The following CCDC88C variants were observed in gnomAD, a reference collection of about 807,000 sequenced individuals.
CCDC88C encodes the protein protein Daple.
A neutral mutation model predicts 198.8 loss-of-function variants in CCDC88C; 131 were observed. That is an observed-to-expected ratio of 0.66 (90% CI 0.57 to 0.76). CCDC88C has a LOEUF of 0.76. Among genes scored for constraint, CCDC88C ranks in the 30% least tolerant of loss-of-function variants. The pLI is 0.00. For synonymous variants in CCDC88C, 1,166 were observed against 1,114.7 expected, an observed-to-expected ratio of 1.05 and a Z score of -0.92; for missense variants, 2,553 against 2,631.6, an observed-to-expected ratio of 0.97 and a Z score of 0.65.
intron 3 of CCDC88C, among the ~76,000 whole-genome samples, chr14:91,405,602 A>C (rs1201720757): frequency 1.3e-5 from 2 of 152,244 alleles, no homozygotes; most frequent in Non-Finnish European, 1.5e-5. Context: ...AATGGCATAA[A>C]ACAAAAACTA....
At chr14:91,395,010 T>C (rs1489890836) in intron 3 of CCDC88C, among the ~76,000 whole-genome samples, 2 of 152,134 alleles carry the variant, frequency 1.3e-5, no homozygotes, top group Non-Finnish European at 2.9e-5. Context: ...AAGGCCTTTG[T>C]AGAACCCCTC....
chr14:91,339,570 G>T lies in CCDC88C; in HGVS notation c.625-108C>A, dbSNP rs1893217893. The T allele has an allele frequency of 8.9e-7, 1 of 1,121,398 alleles. No homozygotes were observed. The highest frequency in any genetic ancestry group is 2.6e-5 in the East Asian group (1 of 38,530). The allele number at this position is 1,121,398 out of a possible 1,614,324, so 69.5% of individuals were successfully genotyped here. A position where few individuals can be genotyped will look rare whatever the true frequency, so the allele number is the denominator to read the frequency against. On this transcript the variant is annotated intron_variant, in intron 7 of 29. Transcript: ENST00000389857. The surrounding 1 kb of genome is among the most constrained non-coding windows in gnomAD (Gnocchi z 5.8). ...CCGCCAAAAGACAGATATTTCAGCG[G>T]AGACTAAGAAACGAGGAGGAAGGTG... is the stretch of plus-strand genomic sequence containing the variant.
chr14:91,327,910 C>G (rs1400032644), intron 10 of CCDC88C, among the ~76,000 whole-genome samples: 3 of 152,176 alleles, frequency 2.0e-5, no homozygotes, highest in African/African-American at 7.2e-5. Flanking sequence ...GGAGTTGTCC[C>G]CTAGGAGAAG....
intron 3 of CCDC88C, chr14:91,380,010 A>G (rs1411499597): frequency 1.5e-6 from 1 of 649,002 alleles, no homozygotes; most frequent in Non-Finnish European, 2.8e-6. Context: ...GTGAGAACCA[A>G]CTCCACGCTG....
At chr14:91,302,671 C>T (rs962882096) in intron 20 of CCDC88C, among the ~76,000 whole-genome samples, 4 of 152,164 alleles carry the variant, frequency 2.6e-5, no homozygotes, top group Admixed American at 6.6e-5. Flanking sequence ...GAAATGAGAA[C>T]AGCAGGACAT....
chr14:91,387,178 A>C (rs1885197703), intron 3 of CCDC88C, among the ~76,000 whole-genome samples: 1 of 152,182 alleles, frequency 6.6e-6, no homozygotes, highest in Non-Finnish European at 1.5e-5. Context: ...AAGAAAATCA[A>C]CCACGGGGCT....
chr14:91,387,947 T>A (rs528526938), intron 3 of CCDC88C, among the ~76,000 whole-genome samples: 60 of 152,312 alleles, frequency 3.9e-4, no homozygotes, highest in Middle Eastern at 6.8e-3. Context: ...CAAGCCCACT[T>A]GGGCCAGTTA....
At position 91,288,914 on chromosome 14, in the gene CCDC88C, A is replaced by C. The variant is rs1890534862; in HGVS notation, c.4441+191T>G. ...ATTAAAATAAAATATAAAATAAAGT[A>C]ACAAAAGCATTATGGGACAAAACGG... On this transcript the variant is annotated intron_variant, in intron 25 of 29. Coordinates refer to ENST00000389857, the MANE Select transcript of CCDC88C (RefSeq NM_001080414.4). This position sits in a 1 kb window ranked among gnomAD's most constrained non-coding sequence, Gnocchi z 4.2. 7.5e-6 allele frequency: 4 copies of C among 533,604 alleles called. No homozygotes were observed. The South Asian group carries it at 1.2e-4, about 16-fold the overall frequency. The allele number at this position is 533,604 out of a possible 1,614,324, so 33.1% of individuals were successfully genotyped here.
chr14:91,314,752 T>G (rs778779031), intron 14 of CCDC88C, among the ~76,000 whole-genome samples: 2 of 152,218 alleles, frequency 1.3e-5, no homozygotes, highest in Non-Finnish European at 2.9e-5. Context: ...GTGAGCAACA[T>G]CTGGGCAGGG....
At chr14:91,383,992 T>G (rs1884969900) in intron 3 of CCDC88C, among the ~76,000 whole-genome samples, 1 of 152,136 alleles carries the variant, frequency 6.6e-6, no homozygotes, top group African/African-American at 2.4e-5. Flanking sequence ...CCTTCTGGAG[T>G]GCCACACCTG....
intron 3 of CCDC88C, among the ~76,000 whole-genome samples, chr14:91,365,309 C>G (rs767364863): frequency 6.6e-6 from 1 of 152,134 alleles, no homozygotes; most frequent in Non-Finnish European, 1.5e-5. Context: ...CAGGTAGGGA[C>G]CAGGACGGGA....
At position 91,313,779 on chromosome 14, in the gene CCDC88C, C is replaced by T; in HGVS notation, c.2037G>A (p.Arg679=). ...QGLQLENRTL[R]KSLDTLQNVS... ...CGTTCTGCAAGGTGTCCAGAGACTT[C>T]CTCAGAGTCCGGTTCTCCAGCTGCA... Residue 679 remains arginine (R), a synonymous_variant, in exon 15 of 30, where the codon AGG becomes AGA. Transcript: ENST00000389857. The surrounding 1 kb of genome is among the most constrained non-coding windows in gnomAD (Gnocchi z 5.2). 6.2e-7 allele frequency: 1 copy of T among 1,607,196 alleles called. No homozygotes were observed. The highest frequency in any genetic ancestry group is 8.5e-7 in the Non-Finnish European group (1 of 1,179,452).
At chr14:91,292,128 G>A (rs1283303438) in intron 23 of CCDC88C, among the ~76,000 whole-genome samples, 1 of 152,116 alleles carries the variant, frequency 6.6e-6, no homozygotes, top group Non-Finnish European at 1.5e-5. Flanking sequence ...AAGAGCTCAC[G>A]GTGAGGTGAG....
At position 91,360,143 on chromosome 14, in the gene CCDC88C, C is replaced by T. The variant is rs566007055; in HGVS notation, c.271-432G>A. Among the ~76,000 whole-genome samples, 99 of 152,064 alleles carry T rather than the reference C, an allele frequency of 6.5e-4. 1 individual carries two copies. Among genetic ancestry groups the T allele is most frequent in the African/African-American group, 2.1e-3 (86 of 41,454 alleles). Reference sequence around the variant, plus strand: ...GCAATTAAAAAATAAGGAGGCCAGGCGCAGTGGTTAATGCCTGTAGTCTCA... The same window carrying T: ...GCAATTAAAAAATAAGGAGGCCAGGTGCAGTGGTTAATGCCTGTAGTCTCA... On this transcript the variant is annotated intron_variant, in intron 3 of 29. Transcript: ENST00000389857.
At position 91,339,665 on chromosome 14, in the gene CCDC88C, G is replaced by T. The variant is rs1893222043; in HGVS notation, c.625-203C>A. ...GAAACAAAAGGGAGTGTACGAAGGAGGAGGGCCCCAAGCTCCGCGTCCTGA... is the reference window on the plus strand; with the variant it reads ...GAAACAAAAGGGAGTGTACGAAGGATGAGGGCCCCAAGCTCCGCGTCCTGA... On this transcript the variant is annotated intron_variant, in intron 7 of 29. Transcript: ENST00000389857. The surrounding 1 kb of genome is among the most constrained non-coding windows in gnomAD (Gnocchi z 5.8). 6.6e-6 allele frequency among the ~76,000 whole-genome samples: 1 copy of T among 152,206 alleles called. No individual in the cohort carries two copies. Among genetic ancestry groups the T allele is most frequent in the Non-Finnish European group, 1.5e-5 (1 of 68,038 alleles).
At chr14:91,395,419 G>A (rs532637398) in intron 3 of CCDC88C, among the ~76,000 whole-genome samples, 32 of 152,278 alleles carry the variant, frequency 2.1e-4, no homozygotes, top group South Asian at 1.0e-3. Flanking sequence ...GAGGTTGGAC[G>A]ATGCACCCTA....
chr14:91,390,626 C>T (rs1011876262), intron 3 of CCDC88C, among the ~76,000 whole-genome samples: 3 of 152,232 alleles, frequency 2.0e-5, no homozygotes, highest in Non-Finnish European at 4.4e-5. Context: ...CAGCCCACTG[C>T]ACCTTCCCAG....
intron 3 of CCDC88C, among the ~76,000 whole-genome samples, chr14:91,390,887 C>A (rs1885469702): frequency 6.6e-6 from 1 of 152,220 alleles, no homozygotes; most frequent in Admixed American, 6.5e-5. Context: ...ATTCGGTCCT[C>A]AGGCTCACCA....
rs749832934 is a variant in CCDC88C, at chr14:91,313,214, CCTT to C, written c.2599_2601del (p.Lys867del). 3.3e-5 allele frequency: 53 copies of C among 1,613,820 alleles called. No individual in the cohort carries two copies. Among genetic ancestry groups the C allele is most frequent in the Middle Eastern group, 1.6e-4 (1 of 6,084 alleles). The stretch of plus-strand genomic sequence containing the variant: ...AGCTCCTTGTCCAGCGCGCGGCTCT[CCTT>C]CTCAACGGCGGACAGTTTGGCAGTG... On this transcript the variant is annotated inframe_deletion, in exon 15 of 30. Coordinates refer to ENST00000389857, the MANE Select transcript of CCDC88C (RefSeq NM_001080414.4). The surrounding 1 kb of genome is among the most constrained non-coding windows in gnomAD (Gnocchi z 5.2).
Sources: gnomAD v4.1 joint callset for allele counts (sites outside exome capture counted in the v4.1 genomes callset) on GRCh38, gnomAD v4.1.1 for gene constraint, Gnocchi (gnomAD v3.1) non-coding constraint, MANE v1.5 for transcripts, NCBI Gene and HGNC (gene_info 2026-07-23, HGNC 2026-07-21) for gene names.